Variants in RMP64 observed in about 807,000 individuals in gnomAD.
RMP64 encodes the protein nucleolus and neural progenitor protein.
chr3:113,012,862 G>GT, the RMP64 span: 1 of 1,081,944 alleles, frequency 9.2e-7, no homozygotes, highest in Non-Finnish European at 1.4e-6. Context: ...TGTGGGTTTT[G>GT]TAAGTTACAA....
At chr3:113,017,768 G>A in the RMP64 span, among the ~76,000 whole-genome samples, 1 of 152,212 alleles carries the variant, frequency 6.6e-6, no homozygotes, top group East Asian at 1.9e-4. Flanking sequence ...TATAAGAGAA[G>A]TTGGAAAATG....
the RMP64 span, among the ~76,000 whole-genome samples, chr3:113,010,016 T>C: frequency 2.7e-5 from 4 of 148,472 alleles, no homozygotes; most frequent in African/African-American, 4.9e-5. Context: ...GTAATGCCGA[T>C]GTACTTATAT....
chr3:113,011,282 T>C, the RMP64 span: 1 of 1,613,768 alleles, frequency 6.2e-7, no homozygotes, highest in Non-Finnish European at 8.5e-7. Flanking sequence ...AATTCAGTGA[T>C]ATCAGAAGGA....
chr3:113,006,947 A>G, the RMP64 span, among the ~76,000 whole-genome samples: 1 of 152,230 alleles, frequency 6.6e-6, no homozygotes, highest in Admixed American at 6.5e-5. Context: ...TATAAAGTTT[A>G]CTACAAATAT....
At chr3:113,017,561 T>A in the RMP64 span, 3 of 1,614,176 alleles carry the variant, frequency 1.9e-6, no homozygotes, top group East Asian at 6.7e-5. Flanking sequence ...AGCGACAGTA[T>A]GACGAGATGG....
the RMP64 span, chr3:113,017,721 T>C: frequency 1.1e-6 from 1 of 886,818 alleles, no homozygotes; most frequent in Non-Finnish European, 1.7e-6. Context: ...AAAACTAATG[T>C]AATCAGTCTC....
At chr3:113,006,064 C>G in the RMP64 span, 1 of 1,171,006 alleles carries the variant, frequency 8.5e-7, no homozygotes, top group Non-Finnish European at 1.2e-6. Flanking sequence ...TTCTCAAGCA[C>G]TTTTAATTTA....
At chr3:113,008,274 C>G in the RMP64 span, 1 of 1,614,186 alleles carries the variant, frequency 6.2e-7, no homozygotes, top group South Asian at 1.1e-5. Context: ...CACCATACAA[C>G]TGCCATCTGG....
the RMP64 span, chr3:113,005,413 G>A: frequency 3.1e-6 from 2 of 646,930 alleles, no homozygotes; most frequent in Admixed American, 2.6e-5. Context: ...GAACTCCTGT[G>A]CAATGCTGCA....
chr3:113,011,515 A>G, the RMP64 span: 2 of 978,912 alleles, frequency 2.0e-6, no homozygotes, highest in South Asian at 1.8e-5. Flanking sequence ...AAGGTCCTCC[A>G]GTACAGATAA....
chr3:113,005,657 C>T, the RMP64 span: 1 of 1,613,734 alleles, frequency 6.2e-7, no homozygotes, highest in Non-Finnish European at 8.5e-7. Context: ...ATGGATGCCT[C>T]TAAGATTTTC....
chr3:113,013,376 T>C, the RMP64 span: 33 of 1,612,114 alleles, frequency 2.0e-5, no homozygotes, highest in African/African-American at 1.1e-4. Context: ...GGACAACACA[T>C]ACTTTGGTAG....
the RMP64 span, chr3:113,013,138 C>CA: frequency 1.0e-6 from 1 of 973,062 alleles, no homozygotes; most frequent in Non-Finnish European, 1.5e-6. Context: ...AAAAGGAGGC[C>CA]AAGAAGCAAA....
At chr3:113,019,496 C>A in the RMP64 span, 3 of 1,489,504 alleles carry the variant, frequency 2.0e-6, no homozygotes, top group South Asian at 2.3e-5. Context: ...GGCCTGGCGG[C>A]CTCCCCCGGA....
the RMP64 span, among the ~76,000 whole-genome samples, chr3:113,010,065 A>C: frequency 2.0e-5 from 3 of 152,190 alleles, no homozygotes; most frequent in Admixed American, 6.5e-5. Flanking sequence ...ACAGACATTA[A>C]TCAATCATGT....
chr3:113,006,381 G>A, the RMP64 span, among the ~76,000 whole-genome samples: 7 of 152,300 alleles, frequency 4.6e-5, no homozygotes, highest in South Asian at 4.1e-4. Flanking sequence ...CTGCCAGTAC[G>A]TATTAATCCG....
At chr3:113,012,609 C>T in the RMP64 span, 2 of 577,878 alleles carry the variant, frequency 3.5e-6, no homozygotes, top group Non-Finnish European at 6.1e-6. Flanking sequence ...TCTGATCAAA[C>T]CAAGAAAGAG....
chr3:113,011,454 G>C, the RMP64 span: 2 of 1,488,644 alleles, frequency 1.3e-6, no homozygotes, highest in Non-Finnish European at 9.0e-7. Flanking sequence ...ATTACAATTT[G>C]CAGATTACAT....
chr3:113,009,110 T>G, the RMP64 span, among the ~76,000 whole-genome samples: 40 of 152,294 alleles, frequency 2.6e-4, no homozygotes, highest in Admixed American at 2.4e-3. Context: ...GAATATCTAT[T>G]AAAAATGCTC....
Sources: allele counts gnomAD v4.1 joint callset (sites outside exome capture counted in the v4.1 genomes callset), GRCh38; gene constraint gnomAD v4.1.1; transcripts MANE v1.5; gene names NCBI Gene and HGNC (gene_info 2026-07-23, HGNC 2026-07-21).